Variants in HS6ST3 observed in about 807,000 individuals in gnomAD.
The protein encoded by HS6ST3 is heparan sulfate 6-O-sulfotransferase 3.
A neutral mutation model predicts 36.7 loss-of-function variants in HS6ST3; 12 were observed. The ratio of observed to expected loss-of-function variants is 0.33; its 90% CI spans 0.21 to 0.53. The LOEUF (loss-of-function observed/expected upper bound fraction) is 0.53. HS6ST3 is among the 20% of genes least tolerant of loss of function. The pLI, the probability that HS6ST3 is intolerant of heterozygous loss-of-function variation, is 0.95. For synonymous variants in HS6ST3, 240 were observed against 257.5 expected (o/e 0.93, Z 0.65); for missense variants, 584 against 640.9 (o/e 0.91, Z 0.96).
At chr13:96,263,606 A>G (rs923352434) in intron 1 of HS6ST3, among the ~76,000 whole-genome samples, 5 of 152,236 alleles carry the variant, frequency 3.3e-5, no homozygotes, top group Non-Finnish European at 7.3e-5. Flanking sequence ...ATTATTCAAG[A>G]AATGTGAACA....
chr13:96,196,387 C>T (rs901714153), intron 1 of HS6ST3, among the ~76,000 whole-genome samples: 25 of 152,116 alleles, frequency 1.6e-4, no homozygotes, highest in Admixed American at 1.6e-3. Flanking sequence ...GTGTCTCCCC[C>T]GAGAATGTCT....
At chr13:96,372,522 G>C (rs2055294673) in intron 1 of HS6ST3, among the ~76,000 whole-genome samples, 1 of 152,048 alleles carries the variant, frequency 6.6e-6, no homozygotes. Flanking sequence ...TTTGTTGCCT[G>C]TGCTTTTGGT....
chr13:96,145,188 C>G (rs1264156575), intron 1 of HS6ST3, among the ~76,000 whole-genome samples: 1 of 148,712 alleles, frequency 6.7e-6, no homozygotes, highest in Admixed American at 6.7e-5. Flanking sequence ...ATGGCTGGGT[C>G]AAATGGTATT....
intron 1 of HS6ST3, among the ~76,000 whole-genome samples, chr13:96,770,241 T>C (rs931168133): frequency 1.3e-5 from 2 of 152,204 alleles, no homozygotes; most frequent in African/African-American, 4.8e-5. Flanking sequence ...CTCAATGCAG[T>C]CTAGTTATTT....
intron 1 of HS6ST3, among the ~76,000 whole-genome samples, chr13:96,699,715 C>A (rs1237739763): frequency 6.6e-6 from 1 of 152,212 alleles, no homozygotes; most frequent in Non-Finnish European, 1.5e-5. Flanking sequence ...ATTAGAAATA[C>A]CATTTGACCC....
chr13:96,349,053 A>C (rs1171282300), intron 1 of HS6ST3, among the ~76,000 whole-genome samples: 1 of 152,230 alleles, frequency 6.6e-6, no homozygotes, highest in Non-Finnish European at 1.5e-5. Flanking sequence ...GTGATACCCT[A>C]AATGTGATAC....
chr13:96,600,920 G>T (rs531386869), intron 1 of HS6ST3, among the ~76,000 whole-genome samples: 6 of 152,094 alleles, frequency 3.9e-5, no homozygotes, highest in African/African-American at 1.2e-4. Context: ...TCCTTCATTT[G>T]TGAAATTTAG....
rs80305168 is a variant in HS6ST3 at position 96,710,015 on chromosome 13, A to G, written c.708-122475A>G. Reference sequence around the variant, plus strand: ...GTATTTGAATCTGCATCCTCAGTCCATGTCCTTAACTGCAACTCTGTGCTG... The same window carrying G: ...GTATTTGAATCTGCATCCTCAGTCCGTGTCCTTAACTGCAACTCTGTGCTG... On this transcript the variant is annotated intron_variant, in intron 1 of 1. Coordinates refer to ENST00000376705, the MANE Select transcript of HS6ST3 (RefSeq NM_153456.4). Among the ~76,000 whole-genome samples the G allele has an allele frequency of 1.2e-3, 178 of 152,312 alleles. 1 individual carries two copies. Among genetic ancestry groups the G allele is most frequent in the African/African-American group, 4.2e-3 (173 of 41,582 alleles).
chr13:96,243,749 T>C (rs1156804262), intron 1 of HS6ST3, among the ~76,000 whole-genome samples: 2 of 152,190 alleles, frequency 1.3e-5, no homozygotes, highest in Admixed American at 6.5e-5. Flanking sequence ...TAAAAAATTA[T>C]GAGTTTAAAT....
intron 1 of HS6ST3, among the ~76,000 whole-genome samples, chr13:96,483,171 A>C (rs949249566): frequency 2.0e-5 from 3 of 152,208 alleles, no homozygotes; most frequent in African/African-American, 4.8e-5. Context: ...GGTTTGATGA[A>C]TGCATTTAAC....
intron 1 of HS6ST3, among the ~76,000 whole-genome samples, chr13:96,692,813 A>C (rs1292673317): frequency 6.6e-6 from 1 of 152,208 alleles, no homozygotes; most frequent in East Asian, 1.9e-4. Context: ...TCTTGCATTC[A>C]GAATTATTCA....
At chr13:96,399,183 A>G (rs1172295891) in intron 1 of HS6ST3, among the ~76,000 whole-genome samples, 1 of 152,254 alleles carries the variant, frequency 6.6e-6, no homozygotes, top group Non-Finnish European at 1.5e-5. Context: ...AACCTTTGCC[A>G]ATTAGTATTA....
At chr13:96,635,398 C>T (rs1016394058) in intron 1 of HS6ST3, among the ~76,000 whole-genome samples, 2 of 152,056 alleles carry the variant, frequency 1.3e-5, no homozygotes, top group African/African-American at 4.8e-5. Flanking sequence ...CTATTCCATG[C>T]CCTTCTGCCT....
intron 1 of HS6ST3, among the ~76,000 whole-genome samples, chr13:96,295,997 G>T (rs185027076): frequency 6.6e-6 from 1 of 152,186 alleles, no homozygotes; most frequent in Non-Finnish European, 1.5e-5. Context: ...CCATTGTCTA[G>T]TCTAGTCCTG....
At chr13:96,646,402 T>G (rs2056588728) in intron 1 of HS6ST3, among the ~76,000 whole-genome samples, 1 of 152,054 alleles carries the variant, frequency 6.6e-6, no homozygotes, top group African/African-American at 2.4e-5. Flanking sequence ...ACTGAATACA[T>G]TGAATGTGAA....
chr13:96,587,770 GTAC>G (rs1443298318), intron 1 of HS6ST3, among the ~76,000 whole-genome samples: 1 of 152,220 alleles, frequency 6.6e-6, no homozygotes, highest in Non-Finnish European at 1.5e-5. Flanking sequence ...CTTCCTCTCA[GTAC>G]TGTTACAGTG....
At chr13:96,789,894 A>ATT (rs1036621988) in intron 1 of HS6ST3, among the ~76,000 whole-genome samples, 8 of 151,850 alleles carry the variant, frequency 5.3e-5, no homozygotes, top group African/African-American at 1.7e-4. Context: ...CTGGGTTGGA[A>ATT]TTTTTTTAAG....
At position 96,365,045 on chromosome 13, in the gene HS6ST3, T is replaced by C. The variant is rs571218884; in HGVS notation, c.707+273476T>C. Among the ~76,000 whole-genome samples the C allele has an allele frequency of 3.9e-5, 6 of 152,326 alleles. No individual in the cohort carries two copies. The South Asian group carries it at 1.2e-3, about 32-fold the overall frequency. On this transcript the variant is annotated intron_variant, in intron 1 of 1. Coordinates refer to ENST00000376705, the MANE Select transcript of HS6ST3 (RefSeq NM_153456.4). ...TTTTAAGTACTTATTTAAATGGACA[T>C]ACTTCAAACTCTTAGATTCTTCCTT...
chr13:96,296,905 G>T (rs1388044302), intron 1 of HS6ST3, among the ~76,000 whole-genome samples: 1 of 151,860 alleles, frequency 6.6e-6, no homozygotes, highest in Non-Finnish European at 1.5e-5. Context: ...AACATTTCTT[G>T]CCTAGTTTAT....
Sources: gnomAD v4.1 joint callset for allele counts (sites outside exome capture counted in the v4.1 genomes callset) on GRCh38, gnomAD v4.1.1 for gene constraint, MANE v1.5 for transcripts, NCBI Gene and HGNC (gene_info 2026-07-23, HGNC 2026-07-21) for gene names.